Variants in KLHL7 observed in about 807,000 individuals in gnomAD.
KLHL7 encodes the protein kelch like family member 7, also known as kelch-like protein 7.
A neutral mutation model predicts 67.4 loss-of-function variants in KLHL7; 44 were observed. That is an observed-to-expected ratio of 0.65 (90% CI 0.51 to 0.84). The LOEUF is 0.84. Among genes scored for constraint, KLHL7 ranks in the 40% least tolerant of loss-of-function variants. KLHL7 has a pLI of 0.00. For synonymous variants in KLHL7, 252 were observed against 243.3 expected (o/e 1.04, Z -0.33); for missense variants, 362 against 718.1 (o/e 0.50, Z 5.67).
chr7:23,120,313 A>G (rs559512595), intron 1 of KLHL7, among the ~76,000 whole-genome samples: 22 of 152,278 alleles, frequency 1.4e-4, no homozygotes, highest in Non-Finnish European at 3.1e-4. Flanking sequence ...ACCCAGCCCC[A>G]TATACCTTGT....
intron 7 of KLHL7, among the ~76,000 whole-genome samples, chr7:23,165,291 T>TTA (rs1784970600): frequency 6.6e-6 from 1 of 152,262 alleles, no homozygotes; most frequent in Non-Finnish European, 1.5e-5. Context: ...CATTGATTAC[T>TTA]TATATCACAC....
At chr7:23,128,909 T>C (rs187525557) in intron 4 of KLHL7, among the ~76,000 whole-genome samples, 1 of 152,368 alleles carries the variant, frequency 6.6e-6, no homozygotes, top group Admixed American at 6.5e-5. Context: ...TTGTAGCATT[T>C]ATCAGTACTT....
chr7:23,127,553 C>G (rs1446401147), intron 4 of KLHL7, among the ~76,000 whole-genome samples: 1 of 152,098 alleles, frequency 6.6e-6, no homozygotes, highest in Admixed American at 6.6e-5. Context: ...TTTTCACCAC[C>G]TGTCAATTCT....
intron 4 of KLHL7, among the ~76,000 whole-genome samples, chr7:23,137,167 C>T (rs1203961476): frequency 6.6e-6 from 1 of 152,190 alleles, no homozygotes; most frequent in African/African-American, 2.4e-5. Flanking sequence ...TGCCTATAAT[C>T]CCAGCTACGC....
intron 4 of KLHL7, chr7:23,125,900 C>T (rs997676263): frequency 2.6e-6 from 4 of 1,513,956 alleles, no homozygotes; most frequent in South Asian, 2.4e-5. Context: ...TTCCAAGACC[C>T]CCAGTGAATG....
chr7:23,129,509 G>C (rs1009938883), intron 4 of KLHL7: 11 of 264,068 alleles, frequency 4.2e-5, no homozygotes, highest in African/African-American at 2.3e-4. Flanking sequence ...TGATTAACTT[G>C]TATGTGCCCT....
At chr7:23,109,834 A>C (rs755592544) in intron 1 of KLHL7, among the ~76,000 whole-genome samples, 3 of 152,190 alleles carry the variant, frequency 2.0e-5, no homozygotes, top group African/African-American at 7.2e-5. Context: ...TTCATTGACA[A>C]TTCCAGTCAT....
intron 4 of KLHL7, among the ~76,000 whole-genome samples, chr7:23,140,265 T>TA (rs1784129766): frequency 6.6e-6 from 1 of 152,014 alleles, no homozygotes; most frequent in South Asian, 2.1e-4. Flanking sequence ...CTACAGAATA[T>TA]AAAAACCAGC....
At chr7:23,107,541 A>G (rs1157098190) in intron 1 of KLHL7, among the ~76,000 whole-genome samples, 1 of 152,220 alleles carries the variant, frequency 6.6e-6, no homozygotes, top group East Asian at 1.9e-4. Flanking sequence ...GCAGCAGCAA[A>G]TATTTACTTG....
At chr7:23,144,422 T>A (rs941663356) in intron 6 of KLHL7, among the ~76,000 whole-genome samples, 1 of 152,216 alleles carries the variant, frequency 6.6e-6, no homozygotes, top group Non-Finnish European at 1.5e-5. Context: ...TTGCTTCCAT[T>A]TTCTTGCTTG....
intron 7 of KLHL7, among the ~76,000 whole-genome samples, chr7:23,163,168 C>T (rs1190068873): frequency 6.7e-6 from 1 of 149,418 alleles, no homozygotes; most frequent in Non-Finnish European, 1.5e-5. Context: ...AGCTTTTACT[C>T]TTTTTTTTTT....
intron 8 of KLHL7, among the ~76,000 whole-genome samples, chr7:23,166,429 G>A (rs1297793183): frequency 6.6e-6 from 1 of 152,182 alleles, no homozygotes; most frequent in Non-Finnish European, 1.5e-5. Context: ...GGATGTGGGT[G>A]TGGATATAAA....
rs57658434 is a variant in KLHL7 at position 23,175,953 on chromosome 7, TAAAAAAAAAAAA to T, written c.*1669_*1680del. The T allele has an allele frequency of 6.6e-5, 4 of 60,490 alleles. No individual in the cohort carries two copies. The allele number at this position is 60,490 out of a possible 1,614,324, so 3.7% of individuals were successfully genotyped here. On this transcript the variant is annotated 3_prime_UTR_variant, in exon 11 of 11. Transcript: ENST00000339077. Reference sequence around the variant, plus strand: ...CCCAGCCTGGGCAACAGAGCAAGACTAAAAAAAAAAAAAAAAAAAAAAAAATGTATTATTCAG... The same window carrying T: ...CCCAGCCTGGGCAACAGAGCAAGACTAAAAAAAAAAAAATGTATTATTCAG...
chr7:23,130,155 A>G (rs2128461793), intron 4 of KLHL7, among the ~76,000 whole-genome samples: 1 of 152,340 alleles, frequency 6.6e-6, no homozygotes, highest in Middle Eastern at 3.4e-3. Flanking sequence ...GAGCAAAATT[A>G]AAAGAGCAAT....
chr7:23,150,819 A>T (rs938019511), intron 6 of KLHL7, among the ~76,000 whole-genome samples: 21 of 152,216 alleles, frequency 1.4e-4, no homozygotes, highest in African/African-American at 4.8e-4. Context: ...GATAAGTGAA[A>T]AAAGTATGAT....
intron 4 of KLHL7, chr7:23,129,061 CA>C (rs199549362): frequency 2.6e-5 from 4 of 151,004 alleles, no homozygotes; most frequent in Admixed American, 6.6e-5. Context: ...TTAACTTGAA[CA>C]AAAAAAAATA....
intron 2 of KLHL7, 113 bp downstream of exon 2, chr7:23,123,992 CA>C: frequency 1.3e-6 from 1 of 774,944 alleles, no homozygotes; most frequent in East Asian, 2.7e-5. Flanking sequence ...CTTAAGGCCA[CA>C]GAACAGTGAA....
chr7:23,152,728 G>A (rs951654129), intron 7 of KLHL7, among the ~76,000 whole-genome samples: 1 of 152,000 alleles, frequency 6.6e-6, no homozygotes, highest in Non-Finnish European at 1.5e-5. Context: ...GACCAACTGG[G>A]TCAGGAGAGC....
At chr7:23,150,041 C>T (rs569379719) in intron 6 of KLHL7, among the ~76,000 whole-genome samples, 1 of 152,220 alleles carries the variant, frequency 6.6e-6, no homozygotes, top group South Asian at 2.1e-4. Context: ...GGCCTGCAAT[C>T]CCAGTGCTTT....
Sources: allele counts gnomAD v4.1 joint callset (sites outside exome capture counted in the v4.1 genomes callset), GRCh38; gene constraint gnomAD v4.1.1; transcripts MANE v1.5; gene names NCBI Gene and HGNC (gene_info 2026-07-23, HGNC 2026-07-21).